Variants in WASHC3 observed in about 807,000 individuals in gnomAD.
The protein encoded by WASHC3 is WASH complex subunit CCDC53.
Under a neutral mutation model 26.1 loss-of-function variants are expected in WASHC3, and 24 were observed. The ratio of observed to expected loss-of-function variants is 0.92; its 90% confidence interval spans 0.66 to 1.29. The LOEUF (loss-of-function observed/expected upper bound fraction) is 1.29. Among genes scored for constraint, WASHC3 ranks in the 50% most tolerant of loss-of-function variants. The probability of loss-of-function intolerance (pLI) is 0.00; values close to 1 mark genes in which losing one functional copy is unlikely to be tolerated. For missense variants in WASHC3, 214 were observed against 229.6 expected, an observed-to-expected ratio of 0.93 and a Z score of 0.44; for synonymous variants, 77 against 75.7, an observed-to-expected ratio of 1.02 and a Z score of -0.09.
intron 6 of WASHC3, among the ~76,000 whole-genome samples, chr12:102,023,573 A>ACTT (rs1877046237): frequency 1.3e-5 from 2 of 152,164 alleles, no homozygotes; most frequent in Non-Finnish European, 2.9e-5. Flanking sequence ...AGGCTCCGTA[A>ACTT]CTTTTATGTA....
chr12:102,035,745 C>T (rs777603007), intron 5 of WASHC3, among the ~76,000 whole-genome samples: 16 of 152,224 alleles, frequency 1.1e-4, no homozygotes, highest in South Asian at 4.1e-4. Context: ...AATCAAGATA[C>T]CATTCTCCCT....
chr12:102,014,756 A>T lies in WASHC3; in HGVS notation c.501-1564T>A, dbSNP rs1392756119. On this transcript the variant is annotated intron_variant, in intron 6 of 6. Coordinates refer to ENST00000240079, the MANE Select transcript of WASHC3 (RefSeq NM_016053.4). ...GATGCTCCATCTGCCTAAAATACTA[A>T]CATGGGACCATCATCTTCCTCCCTT... Among the ~76,000 whole-genome samples, 3 of 152,194 alleles carry T rather than the reference A, an allele frequency of 2.0e-5. No individual in the cohort carries two copies. The East Asian group carries it at 5.8e-4, about 29-fold the overall frequency.
At chr12:102,053,568 C>G (rs1489843241) in intron 2 of WASHC3, among the ~76,000 whole-genome samples, 1 of 152,190 alleles carries the variant, frequency 6.6e-6, no homozygotes, top group Non-Finnish European at 1.5e-5. Context: ...CAGAGAAACA[C>G]GTCACTACTA....
chr12:102,060,956 CAAAAAAAAAAA>C lies in WASHC3; in HGVS notation c.150+281_150+291del, dbSNP rs56001519. Among the ~76,000 whole-genome samples the C allele has an allele frequency of 6.1e-3, 341 of 55,632 alleles. 1 individual carries two copies. Among genetic ancestry groups the C allele is most frequent in the Non-Finnish European group, 7.3e-3 (211 of 29,070 alleles). 36.5% of individuals were successfully genotyped at this position (55,632 alleles called of 152,430 possible). ...GGTGACAGAGTGAGACCCTGTCTCA[CAAAAAAAAAAA>C]AAAAAAAAAAAAAAATTAGATTTCC... On this transcript the variant is annotated intron_variant, in intron 2 of 6. Transcript: ENST00000240079.
rs771801580 is a variant in WASHC3, at chr12:102,046,039, T to C, written c.216+15A>G. On this transcript the variant is annotated intron_variant, in intron 3 of 6. Coordinates refer to ENST00000240079, the MANE Select transcript of WASHC3 (RefSeq NM_016053.4). ...ACAGCAAAGTTTATACTACAAATTA[T>C]TGAGAAATACCAACCTTTGCATCTA... 21 of 1,491,696 alleles carry C rather than the reference T, an allele frequency of 1.4e-5. No individual in the cohort carries two copies. Among genetic ancestry groups the C allele is most frequent in the Non-Finnish European group, 1.9e-5 (20 of 1,081,066 alleles). 92.4% of individuals were successfully genotyped at this position (1,491,696 alleles called of 1,614,324 possible). A position where few individuals can be genotyped will look rare whatever the true frequency, so the allele number is the denominator to read the frequency against.
chr12:102,014,075 CTTTT>C (rs1189181874), intron 6 of WASHC3, among the ~76,000 whole-genome samples: 2,157 of 88,622 alleles, frequency 0.024, 34 homozygotes, highest in African/African-American at 0.091. Context: ...ACTGCTACAT[CTTTT>C]TTTTTTTTTT....
chr12:102,033,740 A>T (rs932509990), intron 5 of WASHC3, among the ~76,000 whole-genome samples: 3 of 151,876 alleles, frequency 2.0e-5, no homozygotes, highest in African/African-American at 7.2e-5. Flanking sequence ...TTTTTTCAGA[A>T]AGAGTTTTTT....
At chr12:102,036,289 G>T (rs1023360767) in intron 5 of WASHC3, among the ~76,000 whole-genome samples, 3 of 151,098 alleles carry the variant, frequency 2.0e-5, no homozygotes, top group African/African-American at 7.3e-5. Context: ...TTGAATCTGG[G>T]AGGCAGAGGT....
intron 2 of WASHC3, among the ~76,000 whole-genome samples, chr12:102,052,564 G>A (rs1381684527): frequency 3.3e-5 from 5 of 150,262 alleles, no homozygotes; most frequent in Admixed American, 3.3e-4. Context: ...CAGCCCCAGT[G>A]GCCCTAGGTT....
intron 2 of WASHC3, among the ~76,000 whole-genome samples, chr12:102,060,017 G>A (rs950187875): frequency 5.9e-5 from 9 of 152,184 alleles, no homozygotes; most frequent in Non-Finnish European, 1.2e-4. Flanking sequence ...TTGATAATTA[G>A]ACAAAACAAT....
intron 6 of WASHC3, chr12:102,019,381 G>T: frequency 2.6e-6 from 1 of 388,712 alleles, no homozygotes; most frequent in Non-Finnish European, 5.0e-6. Context: ...CCTACAAGTT[G>T]TTTTTCATGG....
At chr12:102,030,968 G>A (rs1473271481) in intron 5 of WASHC3, among the ~76,000 whole-genome samples, 5 of 152,148 alleles carry the variant, frequency 3.3e-5, no homozygotes, top group South Asian at 2.1e-4. Flanking sequence ...ATGCAAAAGG[G>A]CAAATACATA....
chr12:102,032,347 G>A (rs1316832213), intron 5 of WASHC3, among the ~76,000 whole-genome samples: 2 of 152,108 alleles, frequency 1.3e-5, no homozygotes, highest in Non-Finnish European at 1.5e-5. Context: ...TGTGGAAGTC[G>A]GACTTGCCCA....
intron 5 of WASHC3, among the ~76,000 whole-genome samples, chr12:102,031,891 TTTTGACTATAC>T: frequency 6.6e-6 from 1 of 152,338 alleles, no homozygotes; most frequent in South Asian, 2.1e-4. Flanking sequence ...AGCTCCTCCT[TTTTGACTATAC>T]TTTGACTATA....
intron 4 of WASHC3, among the ~76,000 whole-genome samples, chr12:102,041,580 A>T (rs887147641): frequency 6.6e-6 from 1 of 152,062 alleles, no homozygotes; most frequent in Non-Finnish European, 1.5e-5. Flanking sequence ...TGATTTTTTT[A>T]AAAAGTGCAT....
At chr12:102,051,584 A>C (rs2136684450) in intron 2 of WASHC3, among the ~76,000 whole-genome samples, 1 of 152,358 alleles carries the variant, frequency 6.6e-6, no homozygotes, top group African/African-American at 2.4e-5. Flanking sequence ...CATGCTTCTT[A>C]ATCAGATAAA....
chr12:102,022,878 T>C (rs1019872438), intron 6 of WASHC3, among the ~76,000 whole-genome samples: 9 of 152,166 alleles, frequency 5.9e-5, no homozygotes, highest in Non-Finnish European at 1.3e-4. Context: ...TATTAACCTT[T>C]GGCCAAAGAC....
chr12:102,026,129 C>T (rs1565812712), intron 5 of WASHC3, 91 bp from the exon 6 acceptor site: 3 of 675,834 alleles, frequency 4.4e-6, no homozygotes, highest in African/African-American at 1.8e-5. Context: ...TCAGATGCCT[C>T]ATTATTTAAA....
Position 102,061,263 on chromosome 12 carries a change from A to AGGAACACAAACTGTGAG in WASHC3, c.134_135insCTCACAGTTTGTGTTCC (p.Thr46SerfsTer30). 2 of 1,613,564 alleles carry AGGAACACAAACTGTGAG rather than the reference A, an allele frequency of 1.2e-6. No homozygotes were observed. Among genetic ancestry groups the AGGAACACAAACTGTGAG allele is most frequent in the Non-Finnish European group, 1.7e-6 (2 of 1,179,496 alleles). ...CCGGACCTACCTCCTCACAAACTGT[A>AGGAACACAAACTGTGAG]GAAAAGCGGTTGAGGAACTGTACAG... is the stretch of plus-strand genomic sequence containing the variant. On this transcript the variant is annotated frameshift_variant, in exon 2 of 7. Coordinates refer to ENST00000240079, the MANE Select transcript of WASHC3 (RefSeq NM_016053.4). LOFTEE classifies it high-confidence loss of function.
Sources: allele counts gnomAD v4.1 joint callset (sites outside exome capture counted in the v4.1 genomes callset), GRCh38; gene constraint gnomAD v4.1.1; transcripts MANE v1.5; gene names NCBI Gene and HGNC (gene_info 2026-07-23, HGNC 2026-07-21).